Variants in PCYT1A observed in about 807,000 individuals in gnomAD.
PCYT1A encodes phosphate cytidylyltransferase 1A, choline.
A neutral mutation model predicts 43.7 loss-of-function variants in PCYT1A; 25 were observed. That is an observed-to-expected ratio of 0.57 (90% CI 0.42 to 0.80). The LOEUF (loss-of-function observed/expected upper bound fraction) is 0.80. PCYT1A is among the 30% of genes least tolerant of loss of function. The pLI is 0.00. For missense variants in PCYT1A, 421 were observed against 474.2 expected (o/e 0.89, Z 1.04); for synonymous variants, 172 against 170.7 (o/e 1.01, Z -0.06).
intron 2 of PCYT1A, among the ~76,000 whole-genome samples, chr3:196,265,901 G>T (rs1193938926): frequency 6.6e-6 from 1 of 151,772 alleles, no homozygotes; most frequent in African/African-American, 2.4e-5. Context: ...ACTGCGCCCA[G>T]CTAATTTTTG....
At chr3:196,286,599 C>A (rs905651018) in intron 1 of PCYT1A, among the ~76,000 whole-genome samples, 2 of 152,170 alleles carry the variant, frequency 1.3e-5, no homozygotes, top group African/African-American at 4.8e-5. Context: ...AGTTTCTATT[C>A]TATTCCACTT....
Position 196,238,494 on chromosome 3 carries a change from C to A in PCYT1A, c.*194G>T. The A allele has an allele frequency of 2.4e-6, 1 of 420,360 alleles. No homozygotes were observed. The highest frequency in any genetic ancestry group is 4.3e-6 in the Non-Finnish European group (1 of 235,084). 26.0% of individuals were successfully genotyped at this position (420,360 alleles called of 1,614,324 possible). ...CAGGCTTCTAAGGTGCAGTCCCCCT[C>A]CTTCGTGTGGGTGAGTGATGTCACT... On this transcript the variant is annotated 3_prime_UTR_variant, in exon 9 of 9. Transcript: ENST00000431016.
Position 196,242,622 on chromosome 3 carries a change from C to T in PCYT1A, c.505G>A (p.Asp169Asn), listed in dbSNP as rs1048928237. ...AEHRIDFVAH[D>N]DIPYSSAGSD... Reference sequence around the variant, plus strand: ...CCAGCAGATGAATAAGGAATATCATCATGGGCTACAAAATCAATCTGAAAA... The same window carrying T: ...CCAGCAGATGAATAAGGAATATCATTATGGGCTACAAAATCAATCTGAAAA... Residue 169 changes from aspartate (D) to asparagine (N), a missense_variant, in exon 6 of 9, where the codon GAT becomes AAT. Physicochemically the swap from Asp to Asn is conservative, Grantham distance 23. Transcript: ENST00000431016. The surrounding 1 kb of genome is among the most constrained non-coding windows in gnomAD (Gnocchi z 4.2). 6.2e-7 allele frequency: 1 copy of T among 1,607,792 alleles called. No individual in the cohort carries two copies.
chr3:196,273,117 G>A lies in PCYT1A; in HGVS notation c.-10-2576C>T, dbSNP rs1029892030. Among the ~76,000 whole-genome samples the A allele has an allele frequency of 6.6e-6, 1 of 152,232 alleles. No homozygotes were observed. Among genetic ancestry groups the A allele is most frequent in the African/African-American group, 2.4e-5 (1 of 41,456 alleles). ...GGCGCCAGCTCCCTGAGAGGCTGCA[G>A]CTGAACCAGGCGTACTACAAGCAGC... On this transcript the variant is annotated intron_variant, in intron 1 of 8. Transcript: ENST00000431016. The surrounding 1 kb of genome is among the most constrained non-coding windows in gnomAD (Gnocchi z 4.1).
At chr3:196,240,448 G>A (rs1385494962) in intron 7 of PCYT1A, among the ~76,000 whole-genome samples, 1 of 152,202 alleles carries the variant, frequency 6.6e-6, no homozygotes, top group African/African-American at 2.4e-5. Flanking sequence ...ACTTTGGGAA[G>A]CCGAAGTGGG....
At chr3:196,240,028 T>A in intron 7 of PCYT1A, 2 of 359,228 alleles carry the variant, frequency 5.6e-6, no homozygotes. Context: ...AGATAAAACA[T>A]AAACTTGGAA....
chr3:196,263,920 C>T (rs1725194066), intron 2 of PCYT1A, among the ~76,000 whole-genome samples: 1 of 152,226 alleles, frequency 6.6e-6, no homozygotes, highest in Non-Finnish European at 1.5e-5. Flanking sequence ...GCATGAGCCA[C>T]TGCGCCCAGC....
chr3:196,242,740 A>C lies in PCYT1A; in HGVS notation c.487-100T>G, dbSNP rs1195322584. On this transcript the variant is annotated intron_variant, in intron 5 of 8. Coordinates refer to ENST00000431016, the MANE Select transcript of PCYT1A (RefSeq NM_001312673.2). This position sits in a 1 kb window ranked among gnomAD's most constrained non-coding sequence, Gnocchi z 4.2. ...AGAAAAAGGACAATAGGCAGAGGCC[A>C]GGCCTCAGTGGACTTCATATCTCTC... 1.3e-6 allele frequency: 1 copy of C among 793,644 alleles called. No homozygotes were observed. Among genetic ancestry groups the C allele is most frequent in the Non-Finnish European group, 2.3e-6 (1 of 443,046 alleles). The allele number at this position is 793,644 out of a possible 1,614,324, so 49.2% of individuals were successfully genotyped here. A position where few individuals can be genotyped will look rare whatever the true frequency, so the allele number is the denominator to read the frequency against.
At chr3:196,266,975 A>G (rs1258886383) in intron 2 of PCYT1A, among the ~76,000 whole-genome samples, 1 of 152,054 alleles carries the variant, frequency 6.6e-6, no homozygotes, top group East Asian at 1.9e-4. Flanking sequence ...GATCGAGACC[A>G]TCCTGGCTAA....
intron 1 of PCYT1A, chr3:196,283,508 T>G (rs2108784214): frequency 6.6e-6 from 1 of 152,266 alleles, no homozygotes; most frequent in Admixed American, 6.5e-5. Context: ...CTCATTTCTT[T>G]TTATCTTCTG....
intron 2 of PCYT1A, among the ~76,000 whole-genome samples, chr3:196,270,064 G>A (rs1015008540): frequency 6.6e-6 from 1 of 152,006 alleles, no homozygotes; most frequent in African/African-American, 2.4e-5. Context: ...GTAAAGACAG[G>A]GTTTCACCAG....
intron 1 of PCYT1A, among the ~76,000 whole-genome samples, chr3:196,275,966 G>T (rs1018681911): frequency 6.6e-6 from 1 of 151,454 alleles, no homozygotes; most frequent in African/African-American, 2.4e-5. Context: ...GCGTGGTGGC[G>T]GGCACCTGTA....
At chr3:196,246,403 T>TC (rs1357431729) in intron 5 of PCYT1A, among the ~76,000 whole-genome samples, 1 of 147,202 alleles carries the variant, frequency 6.8e-6, no homozygotes, top group Non-Finnish European at 1.5e-5. Flanking sequence ...ACCTGTGGCT[T>TC]TTTTTTTTTT....
At chr3:196,250,390 G>A (rs568212185) in intron 3 of PCYT1A, among the ~76,000 whole-genome samples, 18 of 151,734 alleles carry the variant, frequency 1.2e-4, no homozygotes, top group Middle Eastern at 3.4e-3. Flanking sequence ...TGAGGCTGAG[G>A]ACCAGATACA....
intron 2 of PCYT1A, among the ~76,000 whole-genome samples, chr3:196,263,422 T>G (rs770546832): frequency 6.6e-6 from 1 of 152,100 alleles, no homozygotes; most frequent in Non-Finnish European, 1.5e-5. Flanking sequence ...CTCTCTATAA[T>G]GCATTGCCCA....
intron 1 of PCYT1A, among the ~76,000 whole-genome samples, chr3:196,274,159 A>G (rs143579016): frequency 6.1e-4 from 93 of 152,364 alleles, no homozygotes; most frequent in African/African-American, 1.9e-3. Flanking sequence ...AGGCACCAGG[A>G]GCAAGGAGAG....
chr3:196,274,106 A>G (rs751634865), intron 1 of PCYT1A, among the ~76,000 whole-genome samples: 1 of 152,246 alleles, frequency 6.6e-6, no homozygotes, highest in Non-Finnish European at 1.5e-5. Flanking sequence ...CCAGGTCATG[A>G]CAGTGCCCAG....
At chr3:196,244,939 G>A (rs1481009038) in intron 5 of PCYT1A, among the ~76,000 whole-genome samples, 1 of 152,034 alleles carries the variant, frequency 6.6e-6, no homozygotes, top group Non-Finnish European at 1.5e-5. Context: ...AAGTACCCAG[G>A]GACACAAACA....
chr3:196,280,236 G>C (rs768420137), intron 1 of PCYT1A, among the ~76,000 whole-genome samples: 53 of 152,218 alleles, frequency 3.5e-4, no homozygotes, highest in Middle Eastern at 3.4e-3. Flanking sequence ...ATATAGCAGA[G>C]TCCTCTCTTA....
Sources: gnomAD v4.1 joint callset for allele counts (sites outside exome capture counted in the v4.1 genomes callset) on GRCh38, gnomAD v4.1.1 for gene constraint, Gnocchi (gnomAD v3.1) non-coding constraint, MANE v1.5 for transcripts, NCBI Gene and HGNC (gene_info 2026-07-23, HGNC 2026-07-21) for gene names.